Variants in GPATCH2L observed in about 807,000 individuals in gnomAD.
GPATCH2L encodes G patch domain-containing protein 2-like.
Under a neutral mutation model 57.4 loss-of-function variants are expected in GPATCH2L, and 31 were observed. That is an observed-to-expected ratio of 0.54 (90% confidence interval 0.41 to 0.73). The LOEUF (loss-of-function observed/expected upper bound fraction) is 0.73, where lower values mean the gene tolerates loss of function less well. Among genes scored for constraint, GPATCH2L ranks in the 30% least tolerant of loss-of-function variants. The pLI, the probability that GPATCH2L is intolerant of heterozygous loss-of-function variation, is 0.00. For synonymous variants in GPATCH2L, 199 were observed against 210.7 expected, an observed-to-expected ratio of 0.94 and a Z score of 0.48; for missense variants, 481 against 599.9, an observed-to-expected ratio of 0.80 and a Z score of 2.07.
At chr14:76,161,388 T>C (rs1310735236) in intron 2 of GPATCH2L, among the ~76,000 whole-genome samples, 10 of 152,214 alleles carry the variant, frequency 6.6e-5, no homozygotes. Context: ...AATAAGCTCT[T>C]AAATGGGGAG....
intron 2 of GPATCH2L, 89 bp downstream of exon 2, chr14:76,155,114 C>A: frequency 9.8e-7 from 1 of 1,016,864 alleles, no homozygotes; most frequent in Non-Finnish European, 1.4e-6. Flanking sequence ...TACCTTCTTT[C>A]AAACCAGCCA....
At chr14:76,165,515 G>T (rs2038793339) in intron 2 of GPATCH2L, among the ~76,000 whole-genome samples, 1 of 150,448 alleles carries the variant, frequency 6.6e-6, no homozygotes. Flanking sequence ...AGAAGAAATA[G>T]GGTTTGTTCC....
At chr14:76,181,664 T>A (rs557480238) in intron 8 of GPATCH2L, among the ~76,000 whole-genome samples, 7 of 152,322 alleles carry the variant, frequency 4.6e-5, no homozygotes, top group African/African-American at 1.7e-4. Context: ...CATATATTAG[T>A]CAAACGAGTG....
intron 1 of GPATCH2L, among the ~76,000 whole-genome samples, chr14:76,226,874 T>TAC (rs1231008381): frequency 6.6e-6 from 1 of 152,218 alleles, no homozygotes; most frequent in Non-Finnish European, 1.5e-5. Context: ...AAAGAGAGTG[T>TAC]ACACGGAGCT....
At position 76,207,431 on chromosome 14, in the gene GPATCH2L, T is replaced by C. The variant is rs1278807344; in HGVS notation, c.*5580T>C. 3 of 152,186 alleles carry C rather than the reference T, an allele frequency of 2.0e-5. No individual in the cohort carries two copies. Among genetic ancestry groups the C allele is most frequent in the South Asian group, 2.1e-4 (1 of 4,828 alleles). The allele number at this position is 152,186 out of a possible 1,614,324, so 9.4% of individuals were successfully genotyped here. On this transcript the variant is annotated 3_prime_UTR_variant, in exon 10 of 10. Transcript: ENST00000261530. ...AAATAGGATTTGTGTAAGGTATGAG[T>C]TTACCATATTTGTTCATTAGATCTT... is the stretch of plus-strand genomic sequence containing the variant.
At chr14:76,176,712 G>A in intron 6 of GPATCH2L, 22 bp downstream of exon 6, 2 of 1,494,818 alleles carry the variant, frequency 1.3e-6, no homozygotes, top group Non-Finnish European at 1.9e-6. Flanking sequence ...TGTATTTACT[G>A]GCTGTGCTAG....
chr14:76,160,380 T>G (rs2038524909), intron 2 of GPATCH2L, among the ~76,000 whole-genome samples: 1 of 152,094 alleles, frequency 6.6e-6, no homozygotes, highest in Non-Finnish European at 1.5e-5. Flanking sequence ...AGCCTTGTAG[T>G]TTGAGGAAAT....
chr14:76,165,116 C>T (rs909363292), intron 2 of GPATCH2L, among the ~76,000 whole-genome samples: 18 of 152,110 alleles, frequency 1.2e-4, no homozygotes, highest in Non-Finnish European at 5.9e-5. Context: ...GCCTTTCTAG[C>T]AATGTTATAA....
rs7161444 is a variant in GPATCH2L at position 76,206,284 on chromosome 14, T to C, written c.*4433T>C. The C allele has an allele frequency of 1, 152,149 of 152,334 alleles. 75,982 individuals carry two copies. Among genetic ancestry groups the C allele is most frequent in the Middle Eastern group, 1 (294 of 294 alleles). The allele number at this position is 152,334 out of a possible 1,614,324, so 9.4% of individuals were successfully genotyped here. ...ATCACTCAGAACTAAATGCAAGTGGTAGAGAGATGCTTTCTCCTGTGTTAA... is the reference window on the plus strand; with the variant it reads ...ATCACTCAGAACTAAATGCAAGTGGCAGAGAGATGCTTTCTCCTGTGTTAA... On this transcript the variant is annotated 3_prime_UTR_variant, in exon 10 of 10. Coordinates refer to ENST00000261530, the MANE Select transcript of GPATCH2L (RefSeq NM_017926.4).
chr14:76,170,664 A>G (rs2039042780), intron 3 of GPATCH2L: 1 of 152,204 alleles, frequency 6.6e-6, no homozygotes, highest in Non-Finnish European at 1.5e-5. Flanking sequence ...TAAATGAAGT[A>G]TGGACATATA....
chr14:76,229,395 C>T (rs1040262693), intron 1 of GPATCH2L, among the ~76,000 whole-genome samples: 1 of 152,202 alleles, frequency 6.6e-6, no homozygotes, highest in Non-Finnish European at 1.5e-5. Context: ...TATAACTTTG[C>T]AGGTAAACCC....
At position 76,201,871 on chromosome 14, in the gene GPATCH2L, C is replaced by A; in HGVS notation, c.*20C>A. ...AGCTAGAGAGCAGGACTTCACCCTCCAGGAGCTGACTGGGTGTTGCTGAAG... is the reference window on the plus strand; with the variant it reads ...AGCTAGAGAGCAGGACTTCACCCTCAAGGAGCTGACTGGGTGTTGCTGAAG... On this transcript the variant is annotated 3_prime_UTR_variant, in exon 10 of 10. Coordinates refer to ENST00000261530, the MANE Select transcript of GPATCH2L (RefSeq NM_017926.4). 1 of 1,604,820 alleles carries A rather than the reference C, an allele frequency of 6.2e-7. No homozygotes were observed. The highest frequency in any genetic ancestry group is 8.5e-7 in the Non-Finnish European group (1 of 1,175,296).
At chr14:76,222,449 T>C (rs1438045735) in intron 1 of GPATCH2L, among the ~76,000 whole-genome samples, 1 of 151,358 alleles carries the variant, frequency 6.6e-6, no homozygotes. Context: ...CTACTAAAAA[T>C]ACAAATAATT....
intron 1 of GPATCH2L, among the ~76,000 whole-genome samples, chr14:76,225,739 A>G (rs368233883): frequency 6.6e-6 from 1 of 152,206 alleles, no homozygotes; most frequent in Non-Finnish European, 1.5e-5. Flanking sequence ...TTCAGAATCT[A>G]TTTTTAAAAG....
intron 2 of GPATCH2L, among the ~76,000 whole-genome samples, chr14:76,232,197 A>T (rs1398791216): frequency 6.6e-6 from 1 of 152,198 alleles, no homozygotes; most frequent in Non-Finnish European, 1.5e-5. Flanking sequence ...CAGGTGTGAG[A>T]CACTGCACCA....
chr14:76,228,758 G>C (rs759735651), intron 1 of GPATCH2L, among the ~76,000 whole-genome samples: 1 of 152,174 alleles, frequency 6.6e-6, no homozygotes, highest in Non-Finnish European at 1.5e-5. Context: ...AGTGTCTGGT[G>C]GAGTTGGTGG....
At chr14:76,193,666 C>A (rs1264107503) in intron 8 of GPATCH2L, among the ~76,000 whole-genome samples, 1 of 152,116 alleles carries the variant, frequency 6.6e-6, no homozygotes. Context: ...CCAGAAGCTC[C>A]CTGTGCCTCT....
chr14:76,212,210 A>G lies in GPATCH2L; in HGVS notation c.*10359A>G, dbSNP rs1423685152. On this transcript the variant is annotated 3_prime_UTR_variant, in exon 10 of 10. Transcript: ENST00000261530. ...TGAAAGATGTCTAAAACCATAGAAT[A>G]GGAACAAATGTACCTGTCATATTAA... The G allele has an allele frequency of 2.0e-5, 3 of 152,186 alleles. No individual in the cohort carries two copies. Among genetic ancestry groups the G allele is most frequent in the Non-Finnish European group, 4.4e-5 (3 of 68,018 alleles). The allele number at this position is 152,186 out of a possible 1,614,324, so 9.4% of individuals were successfully genotyped here.
rs1280319450 is a variant in GPATCH2L, at chr14:76,213,689, C to CT, written c.*11844dup. 3 of 152,028 alleles carry CT rather than the reference C, an allele frequency of 2.0e-5. No individual in the cohort carries two copies. Among genetic ancestry groups the CT allele is most frequent in the South Asian group, 2.1e-4 (1 of 4,820 alleles). 9.4% of individuals were successfully genotyped at this position (152,028 alleles called of 1,614,324 possible). On this transcript the variant is annotated 3_prime_UTR_variant, in exon 10 of 10. Coordinates refer to ENST00000261530, the MANE Select transcript of GPATCH2L (RefSeq NM_017926.4). The stretch of plus-strand genomic sequence containing the variant: ...TTCTCAGGGGCTCTTGATCCAAAAC[C>CT]TTTTTTAAAAAAAATAATTTTAGAC...
Sources: allele counts gnomAD v4.1 joint callset (sites outside exome capture counted in the v4.1 genomes callset), GRCh38; gene constraint gnomAD v4.1.1; transcripts MANE v1.5; gene names NCBI Gene and HGNC (gene_info 2026-07-23, HGNC 2026-07-21).